Variants in SHC4 observed in about 807,000 individuals in gnomAD.
SHC4 encodes SHC-transforming protein 4.
A neutral mutation model predicts 69.4 loss-of-function variants in SHC4; 41 were observed. The ratio of observed to expected loss-of-function variants is 0.59; its 90% CI spans 0.46 to 0.77. The LOEUF (loss-of-function observed/expected upper bound fraction) is 0.77. Among genes scored for constraint, SHC4 ranks in the 30% least tolerant of loss-of-function variants. The pLI, the probability that SHC4 is intolerant of heterozygous loss-of-function variation, is 0.00. For missense variants in SHC4, 777 were observed against 783.8 expected (o/e 0.99, Z 0.10); for synonymous variants, 318 against 299.3 (o/e 1.06, Z -0.64).
chr15:48,860,934 C>T (rs558191607), intron 6 of SHC4, among the ~76,000 whole-genome samples: 2 of 152,174 alleles, frequency 1.3e-5, no homozygotes, highest in Non-Finnish European at 2.9e-5. Context: ...AGGAACAGGG[C>T]GGCATGTGGG....
chr15:48,864,233 C>T (rs1899509847), intron 6 of SHC4, among the ~76,000 whole-genome samples: 1 of 152,038 alleles, frequency 6.6e-6, no homozygotes, highest in South Asian at 2.1e-4. Context: ...TCCTCAGGAA[C>T]ATCTGATTCC....
chr15:48,892,959 T>TA (rs1238389028), intron 2 of SHC4, among the ~76,000 whole-genome samples: 1 of 151,072 alleles, frequency 6.6e-6, no homozygotes, highest in Non-Finnish European at 1.5e-5. Context: ...ACAACAATAA[T>TA]AAAAATATAA....
intron 1 of SHC4, among the ~76,000 whole-genome samples, chr15:48,934,077 T>C (rs947426127): frequency 3.9e-5 from 6 of 152,022 alleles, no homozygotes; most frequent in Non-Finnish European, 8.8e-5. Flanking sequence ...GAAATAAATA[T>C]ATAGGTTGGA....
intron 2 of SHC4, among the ~76,000 whole-genome samples, chr15:48,919,907 A>G (rs1319638961): frequency 6.6e-6 from 1 of 152,094 alleles, no homozygotes. Context: ...CTTGGTGTGT[A>G]TGTTAGACAT....
chr15:48,864,512 A>C (rs1899518649), intron 6 of SHC4, among the ~76,000 whole-genome samples: 1 of 117,694 alleles, frequency 8.5e-6, no homozygotes, highest in Admixed American at 1.3e-4. Context: ...CAGTGGCGTG[A>C]TCTTGGCTCA....
At chr15:48,905,946 C>T (rs531250364) in intron 2 of SHC4, among the ~76,000 whole-genome samples, 1 of 152,246 alleles carries the variant, frequency 6.6e-6, no homozygotes, top group African/African-American at 2.4e-5. Flanking sequence ...TTTTAGAAAC[C>T]ACTTCATAAT....
chr15:48,952,160 T>A (rs1284011192), intron 1 of SHC4, among the ~76,000 whole-genome samples: 1 of 152,174 alleles, frequency 6.6e-6, no homozygotes, highest in Non-Finnish European at 1.5e-5. Flanking sequence ...GGCATTAGGT[T>A]AAAAAAGATT....
chr15:48,945,607 C>G (rs183637378), intron 1 of SHC4, among the ~76,000 whole-genome samples: 1 of 152,078 alleles, frequency 6.6e-6, no homozygotes, highest in African/African-American at 2.4e-5. Context: ...ATGACAGGAA[C>G]CAGACACAAA....
chr15:48,894,688 G>C (rs1900192398), intron 2 of SHC4, among the ~76,000 whole-genome samples: 1 of 152,096 alleles, frequency 6.6e-6, no homozygotes, highest in Admixed American at 6.5e-5. Context: ...AAAAAATCTT[G>C]AGCACGTTTA....
chr15:48,865,033 C>CT (rs549836317), intron 6 of SHC4, among the ~76,000 whole-genome samples: 222 of 152,286 alleles, frequency 1.5e-3, no homozygotes, highest in Middle Eastern at 0.01. Flanking sequence ...TCACCTGTGT[C>CT]TTTTTTTACT....
chr15:48,849,714 C>T (rs1899170954), intron 9 of SHC4, among the ~76,000 whole-genome samples: 1 of 152,114 alleles, frequency 6.6e-6, no homozygotes, highest in African/African-American at 2.4e-5. Context: ...GGTTAAGAAC[C>T]TCCAGGATGA....
At chr15:48,926,293 A>G (rs1047483607) in intron 1 of SHC4, among the ~76,000 whole-genome samples, 44 of 152,148 alleles carry the variant, frequency 2.9e-4, no homozygotes, top group Non-Finnish European at 5.6e-4. Flanking sequence ...AAGAGGTCCA[A>G]TTGAAAGTGA....
intron 2 of SHC4, among the ~76,000 whole-genome samples, chr15:48,920,100 C>T (rs1217211307): frequency 7.3e-5 from 11 of 151,638 alleles, no homozygotes; most frequent in African/African-American, 1.9e-4. Context: ...CTGCAAGCTC[C>T]GCCTCCCGGG....
intron 9 of SHC4, among the ~76,000 whole-genome samples, chr15:48,845,586 T>C (rs1899073756): frequency 6.6e-6 from 1 of 152,236 alleles, no homozygotes; most frequent in Admixed American, 6.5e-5. Context: ...GGATTAAGGA[T>C]AATTCTTTTA....
At chr15:48,850,237 AC>A (rs763429926) in intron 9 of SHC4, among the ~76,000 whole-genome samples, 6 of 101,642 alleles carry the variant, frequency 5.9e-5, no homozygotes, top group Non-Finnish European at 1.2e-4. Flanking sequence ...AAATAAATAA[AC>A]TAAACTAAAC....
intron 2 of SHC4, among the ~76,000 whole-genome samples, chr15:48,914,619 C>G (rs907956934): frequency 1.2e-4 from 18 of 152,092 alleles, no homozygotes; most frequent in African/African-American, 4.1e-4. Flanking sequence ...ACTTAAGCCC[C>G]GAAGCCTCGA....
intron 1 of SHC4, among the ~76,000 whole-genome samples, chr15:48,931,569 A>G (rs1900965641): frequency 2.0e-5 from 3 of 152,134 alleles, no homozygotes; most frequent in Non-Finnish European, 2.9e-5. Flanking sequence ...CAATCTCCCT[A>G]TCATCGTCAT....
intron 4 of SHC4, chr15:48,878,087 C>T: frequency 6.7e-7 from 1 of 1,484,280 alleles, no homozygotes; most frequent in South Asian, 1.4e-5. Context: ...GTTACGCAAG[C>T]GCGCAGCCTT....
intron 2 of SHC4, among the ~76,000 whole-genome samples, chr15:48,920,193 T>TTG (rs1397416340): frequency 1.3e-5 from 2 of 151,594 alleles, no homozygotes; most frequent in East Asian, 3.9e-4. Flanking sequence ...TTTTTTTTTT[T>TTG]TGTATTTTTA....
Sources: gnomAD v4.1 joint callset for allele counts (sites outside exome capture counted in the v4.1 genomes callset) on GRCh38, gnomAD v4.1.1 for gene constraint, MANE v1.5 for transcripts, NCBI Gene and HGNC (gene_info 2026-07-23, HGNC 2026-07-21) for gene names.